Variants in BMERB1 observed in about 807,000 individuals in gnomAD.
BMERB1 encodes the protein bMERB domain containing 1, also known as bMERB domain-containing protein 1.
A neutral mutation model predicts 23.6 loss-of-function variants in BMERB1; 12 were observed. The observed-to-expected ratio is 0.51, with a 90% CI of 0.33 to 0.82. The LOEUF is 0.82. Among genes scored for constraint, BMERB1 ranks in the 40% least tolerant of loss-of-function variants. BMERB1 has a pLI of 0.03. For missense variants in BMERB1, 247 were observed against 255.4 expected, an observed-to-expected ratio of 0.97 and a Z score of 0.22; for synonymous variants, 122 against 96.6, an observed-to-expected ratio of 1.26 and a Z score of -1.54.
Position 15,444,123 on chromosome 16 carries a change from G to GTT in BMERB1, c.106+9390_106+9391dup, listed in dbSNP as rs150793082. Among the ~76,000 whole-genome samples the GTT allele has an allele frequency of 3.6e-3, 129 of 35,612 alleles. 21 individuals carry two copies. The highest frequency in any genetic ancestry group is 9.0e-3 in the East Asian group (5 of 554). 23.4% of individuals were successfully genotyped at this position (35,612 alleles called of 152,430 possible). A position where few individuals can be genotyped will look rare whatever the true frequency, so the allele number is the denominator to read the frequency against. On this transcript the variant is annotated intron_variant, in intron 1 of 5. Transcript: ENST00000300006. The stretch of plus-strand genomic sequence containing the variant: ...AGGCCAGGGTCCAGGCACCAGCTTT[G>GTT]TTTTTTTTTTTTTTTTTTTTTTTTT...
chr16:15,534,654 C>A (rs901250780), intron 2 of BMERB1, among the ~76,000 whole-genome samples: 1 of 152,186 alleles, frequency 6.6e-6, no homozygotes, highest in Non-Finnish European at 1.5e-5. Flanking sequence ...TTAACAAGAT[C>A]TTTTTCACCA....
At chr16:15,530,277 C>A (rs2051954146) in intron 2 of BMERB1, among the ~76,000 whole-genome samples, 1 of 152,156 alleles carries the variant, frequency 6.6e-6, no homozygotes, top group Non-Finnish European at 1.5e-5. Context: ...TTCTCAAATT[C>A]AAAAAATTGC....
At position 15,470,771 on chromosome 16, in the gene BMERB1, A is replaced by T. The variant is rs1239951304; in HGVS notation, c.106+36012A>T. 2.2e-5 allele frequency among the ~76,000 whole-genome samples: 3 copies of T among 134,986 alleles called. No individual in the cohort carries two copies. In the East Asian group the frequency reaches 6.7e-4, roughly 30 times the overall value. The allele number at this position is 134,986 out of a possible 152,430, so 88.6% of individuals were successfully genotyped here. On this transcript the variant is annotated intron_variant, in intron 1 of 5. Transcript: ENST00000300006. ...AATCTCCTGACCTCATGATCTGCCC[A>T]CTTTGGCCTCCCAAAGTGCTGGGAT...
At chr16:15,470,436 T>C (rs1017484963) in intron 1 of BMERB1, among the ~76,000 whole-genome samples, 5 of 152,132 alleles carry the variant, frequency 3.3e-5, no homozygotes, top group African/African-American at 1.2e-4. Context: ...TGGTCTGTAG[T>C]TTTCCTTTGT....
chr16:15,538,475 A>T (rs2052048319), intron 2 of BMERB1, among the ~76,000 whole-genome samples: 1 of 151,464 alleles, frequency 6.6e-6, no homozygotes, highest in Non-Finnish European at 1.5e-5. Flanking sequence ...AAAGGCTCTT[A>T]GATTGGAAGT....
At chr16:15,480,606 CTTTTTTTTTTTTTTT>C (rs1159247360) in intron 1 of BMERB1, among the ~76,000 whole-genome samples, 1 of 58,962 alleles carries the variant, frequency 1.7e-5, no homozygotes, top group African/African-American at 6.6e-5. Context: ...ATTCCACTGT[CTTTTTTTTTTTTTTT>C]TTTTTTTTTT....
chr16:15,501,085 G>A (rs990632766), intron 1 of BMERB1, among the ~76,000 whole-genome samples: 1 of 152,036 alleles, frequency 6.6e-6, no homozygotes, highest in Non-Finnish European at 1.5e-5. Flanking sequence ...TAATCCTTTA[G>A]ATCTATTGGA....
chr16:15,585,261 C>T (rs1330314729), intron 5 of BMERB1, among the ~76,000 whole-genome samples: 1 of 152,152 alleles, frequency 6.6e-6, no homozygotes, highest in East Asian at 1.9e-4. Context: ...AGGAAACTTG[C>T]CTTCTCTATT....
intron 1 of BMERB1, among the ~76,000 whole-genome samples, chr16:15,444,123 G>GATTTTTTTTTTTTT (rs2050966312): frequency 2.8e-5 from 1 of 35,610 alleles, no homozygotes; most frequent in Non-Finnish European, 4.6e-5. Flanking sequence ...CACCAGCTTT[G>GATTTTTTTTTTTTT]TTTTTTTTTT....
intron 2 of BMERB1, among the ~76,000 whole-genome samples, chr16:15,556,649 A>C (rs928842410): frequency 1.3e-5 from 2 of 152,082 alleles, no homozygotes; most frequent in Non-Finnish European, 2.9e-5. Context: ...GCAGTGGTGC[A>C]ATCTCGGCTC....
intron 2 of BMERB1, among the ~76,000 whole-genome samples, chr16:15,541,126 G>A (rs2052074848): frequency 1.3e-5 from 2 of 151,984 alleles, no homozygotes; most frequent in African/African-American, 4.8e-5. Context: ...ATAGTTTGCT[G>A]GAATGACTCA....
At chr16:15,503,447 ATTTTT>A (rs35592502) in intron 1 of BMERB1, among the ~76,000 whole-genome samples, 1 of 133,316 alleles carries the variant, frequency 7.5e-6, no homozygotes. Context: ...ACGCCCGGCT[ATTTTT>A]TTTTTTTTTT....
chr16:15,576,777 A>C (rs1203316881), intron 3 of BMERB1, among the ~76,000 whole-genome samples: 1 of 151,946 alleles, frequency 6.6e-6, no homozygotes, highest in Non-Finnish European at 1.5e-5. Context: ...GACTGGGGTA[A>C]ATACCCAAGG....
intron 2 of BMERB1, among the ~76,000 whole-genome samples, chr16:15,516,574 C>G (rs1279892323): frequency 6.6e-6 from 1 of 152,042 alleles, no homozygotes; most frequent in African/African-American, 2.4e-5. Flanking sequence ...CTGGAAAATT[C>G]CCTGCGCTGC....
At chr16:15,518,572 C>T (rs1440023994) in intron 2 of BMERB1, among the ~76,000 whole-genome samples, 2 of 152,214 alleles carry the variant, frequency 1.3e-5, no homozygotes, top group Admixed American at 1.3e-4. Flanking sequence ...GGCTTTGAGC[C>T]AAGGCCCTGC....
chr16:15,438,711 T>C (rs1264208500), intron 1 of BMERB1, among the ~76,000 whole-genome samples: 2 of 152,182 alleles, frequency 1.3e-5, no homozygotes, highest in Non-Finnish European at 2.9e-5. Context: ...CTGCCCTCCT[T>C]GGCCTCCCAA....
intron 1 of BMERB1, among the ~76,000 whole-genome samples, chr16:15,495,671 T>G (rs578049642): frequency 2.1e-3 from 323 of 152,290 alleles, no homozygotes; most frequent in Admixed American, 4.6e-3. Context: ...TGGCCTACTT[T>G]TATTATCTTA....
At chr16:15,555,342 G>T (rs1025082764) in intron 2 of BMERB1, among the ~76,000 whole-genome samples, 12 of 152,142 alleles carry the variant, frequency 7.9e-5, no homozygotes, top group African/African-American at 2.7e-4. Flanking sequence ...AAAGTACTGG[G>T]ATTACAGGCA....
At chr16:15,580,078 C>T (rs971587975) in intron 3 of BMERB1, among the ~76,000 whole-genome samples, 1 of 151,820 alleles carries the variant, frequency 6.6e-6, no homozygotes, top group African/African-American at 2.4e-5. Flanking sequence ...CCTCCCCACA[C>T]TCACCCTGCC....
Sources: gnomAD v4.1 joint callset for allele counts (sites outside exome capture counted in the v4.1 genomes callset) on GRCh38, gnomAD v4.1.1 for gene constraint, MANE v1.5 for transcripts, NCBI Gene and HGNC (gene_info 2026-07-23, HGNC 2026-07-21) for gene names.